ACCSL: variants seen among roughly 807,000 people sequenced by gnomAD.
ACCSL encodes 1-aminocyclopropane-1-carboxylate synthase homolog (inactive) like.
A neutral mutation model predicts 61.7 loss-of-function variants in ACCSL; 55 were observed. The ratio of observed to expected loss-of-function variants is 0.89; its 90% CI spans 0.72 to 1.12. The LOEUF is 1.12. ACCSL is among the 50% of genes most tolerant of loss of function. The pLI is 0.00. For synonymous variants in ACCSL, 258 were observed against 264.3 expected (o/e 0.98, Z 0.23); for missense variants, 632 against 698.0 (o/e 0.91, Z 1.07).
the ACCSL span, among the ~76,000 whole-genome samples, chr11:44,042,665 T>G: frequency 6.6e-6 from 1 of 151,466 alleles, no homozygotes; most frequent in Admixed American, 6.6e-5. Flanking sequence ...TTTTGTTTTT[T>G]TAGCTTGTCT....
At chr11:44,019,047 A>G in the ACCSL span, among the ~76,000 whole-genome samples, 17 of 152,230 alleles carry the variant, frequency 1.1e-4, no homozygotes. Context: ...TGAATGAAGT[A>G]ATACAATGTG....
the ACCSL span, among the ~76,000 whole-genome samples, chr11:44,023,940 A>G: frequency 2.0e-5 from 3 of 152,086 alleles, no homozygotes; most frequent in Non-Finnish European, 4.4e-5. Flanking sequence ...TAATTTCCAC[A>G]TATGTGTGGA....
chr11:43,952,090 A>G, the ACCSL span, among the ~76,000 whole-genome samples: 7,957 of 146,064 alleles, frequency 0.054, 273 homozygotes, highest in Middle Eastern at 0.1. Flanking sequence ...CTTTTATTTT[A>G]GGTTGGGGAT....
chr11:43,938,257 C>T, the ACCSL span, among the ~76,000 whole-genome samples: 16 of 152,194 alleles, frequency 1.1e-4, no homozygotes, highest in African/African-American at 3.9e-4. Context: ...TGCCCTTCAA[C>T]ATTGCTTGCC....
chr11:44,052,609 A>T, intron 5 of ACCSL, 53 bp from the exon 6 acceptor site: 1 of 1,509,594 alleles, frequency 6.6e-7, no homozygotes, highest in Non-Finnish European at 9.2e-7. Flanking sequence ...GCCTGGCAAC[A>T]GGCTCTGATT....
chr11:43,940,653 C>T, the ACCSL span, among the ~76,000 whole-genome samples: 1 of 152,292 alleles, frequency 6.6e-6, no homozygotes, highest in South Asian at 2.1e-4. Context: ...AGCCACCGCA[C>T]CCGGCTGAAA....
chr11:44,004,110 C>T, the ACCSL span, among the ~76,000 whole-genome samples: 5 of 151,644 alleles, frequency 3.3e-5, no homozygotes, highest in Admixed American at 6.6e-5. Context: ...TTCCGTTGGT[C>T]CTGAAGTCAG....
At chr11:43,939,003 G>T in the ACCSL span, among the ~76,000 whole-genome samples, 2 of 152,188 alleles carry the variant, frequency 1.3e-5, no homozygotes, top group African/African-American at 4.8e-5. Flanking sequence ...GACAAAACCA[G>T]TTGGCTTTTT....
chr11:43,982,146 T>C, the ACCSL span, among the ~76,000 whole-genome samples: 58,656 of 150,804 alleles, frequency 0.39, 11,578 homozygotes, highest in South Asian at 0.42. Context: ...GCGGCTCAGC[T>C]GGCTCATCCT....
At chr11:44,044,832 G>C (rs908688553), upstream of ACCSL, among the ~76,000 whole-genome samples, 9 of 152,134 alleles carry the variant, frequency 5.9e-5, no homozygotes, top group African/African-American at 2.2e-4. Context: ...TTGTCAAAAG[G>C]CTGCTAGCAT....
the ACCSL span, among the ~76,000 whole-genome samples, chr11:44,010,573 T>C: frequency 1.3e-5 from 2 of 152,196 alleles, no homozygotes; most frequent in African/African-American, 4.8e-5. Flanking sequence ...CCCTCTCTCT[T>C]GAGCTCTTTC....
chr11:44,021,998 CATGCTGTGTTGGTGACT>C, the ACCSL span, among the ~76,000 whole-genome samples: 2 of 152,228 alleles, frequency 1.3e-5, no homozygotes, highest in Non-Finnish European at 2.9e-5. Flanking sequence ...ATACCAGTAC[CATGCTGTGTTGGTGACT>C]ATAGCTTTAT....
At chr11:43,943,038 T>C in the ACCSL span, 2 of 1,500,458 alleles carry the variant, frequency 1.3e-6, no homozygotes, top group African/African-American at 1.4e-5. The surrounding 1 kb of genome is among the most constrained non-coding windows in gnomAD (Gnocchi z 4.8). Context: ...CGGGGCCGGC[T>C]GCGGCGGCCG....
chr11:43,936,425 T>C, the ACCSL span, among the ~76,000 whole-genome samples: 1 of 152,116 alleles, frequency 6.6e-6, no homozygotes, highest in Admixed American at 6.5e-5. Flanking sequence ...GCTTACAACA[T>C]GCCGGGTACT....
the ACCSL span, among the ~76,000 whole-genome samples, chr11:44,000,053 G>A: frequency 6.6e-6 from 1 of 152,138 alleles, no homozygotes; most frequent in Non-Finnish European, 1.5e-5. Context: ...CCAAGCGGGG[G>A]CGGATCACTT....
Position 44,059,691 on chromosome 11 carries a change from G to A in ACCSL, c.1625-147G>A, listed in dbSNP as rs1590434553. ...AATCAGGGATGCAACATGTAGACTT[G>A]GAAATCCATCCCAAAGGTGGGAGGG... On this transcript the variant is annotated intron_variant, in intron 13 of 13. Transcript: ENST00000378832. 3 of 600,568 alleles carry A rather than the reference G, an allele frequency of 5.0e-6. No homozygotes were observed. The East Asian group carries it at 9.1e-5, about 18-fold the overall frequency. The allele number at this position is 600,568 out of a possible 1,614,324, so 37.2% of individuals were successfully genotyped here. A position where few individuals can be genotyped will look rare whatever the true frequency, so the allele number is the denominator to read the frequency against.
chr11:44,052,931 G>T, intron 6 of ACCSL, 60 bp from the exon 7 acceptor site: 1 of 1,552,612 alleles, frequency 6.4e-7, no homozygotes, highest in Non-Finnish European at 8.9e-7. Flanking sequence ...GGGCTTATGG[G>T]AATGAGGAAT....
the ACCSL span, among the ~76,000 whole-genome samples, chr11:43,978,931 A>T: frequency 6.6e-6 from 1 of 151,516 alleles, no homozygotes; most frequent in Non-Finnish European, 1.5e-5. Context: ...CTCAGTGCTG[A>T]TGGGGAGAGG....
chr11:44,023,104 T>G, the ACCSL span, among the ~76,000 whole-genome samples: 2 of 143,314 alleles, frequency 1.4e-5, no homozygotes, highest in African/African-American at 5.2e-5. Flanking sequence ...TGGAGTGCAG[T>G]GGCACCATCA....
Sources: allele counts gnomAD v4.1 joint callset (sites outside exome capture counted in the v4.1 genomes callset), GRCh38; gene constraint gnomAD v4.1.1; non-coding constraint Gnocchi (gnomAD v3.1); transcripts MANE v1.5; gene names NCBI Gene and HGNC (gene_info 2026-07-23, HGNC 2026-07-21).